Variants in JARID2 observed in about 807,000 individuals in gnomAD.
JARID2 encodes the protein jumonji and AT-rich interaction domain containing 2.
JARID2 carries 21 observed loss-of-function variants against 125.6 expected under a neutral mutation model. The observed-to-expected ratio is 0.17, with a 90% CI of 0.12 to 0.24. JARID2 has a LOEUF of 0.24. Ranked by LOEUF, JARID2 falls within the 10% of genes least tolerant of loss-of-function variation. The pLI, the probability that JARID2 is intolerant of heterozygous loss-of-function variation, is 1.00. For missense variants in JARID2, 1,303 were observed against 1,639.6 expected (o/e 0.79, Z 3.55); for synonymous variants, 736 against 661.6 (o/e 1.11, Z -1.73).
chr6:15,368,749 TC>T (rs745470714), intron 1 of JARID2: 26 of 482,934 alleles, frequency 5.4e-5, no homozygotes, highest in Admixed American at 1.5e-4. Flanking sequence ...TATATAGACA[TC>T]TGAATTCTGA....
intron 1 of JARID2, among the ~76,000 whole-genome samples, chr6:15,298,053 A>C (rs1467700355): frequency 6.6e-6 from 1 of 152,162 alleles, no homozygotes; most frequent in Non-Finnish European, 1.5e-5. Context: ...TCTTCTTAGG[A>C]GCTCTTTAGC....
intron 1 of JARID2, among the ~76,000 whole-genome samples, chr6:15,287,142 CACAA>C (rs371534589): frequency 9.0e-4 from 137 of 151,972 alleles, no homozygotes; most frequent in Middle Eastern, 6.8e-3. Context: ...AAAAAGAAAA[CACAA>C]ACAAACAAAC....
At chr6:15,343,437 A>G (rs1763139379) in intron 1 of JARID2, among the ~76,000 whole-genome samples, 1 of 152,178 alleles carries the variant, frequency 6.6e-6, no homozygotes, top group Admixed American at 6.5e-5. Context: ...TGCTGGTGGA[A>G]TACAATGATG....
intron 1 of JARID2, chr6:15,248,829 C>A: frequency 2.4e-6 from 2 of 826,934 alleles, no homozygotes; most frequent in Non-Finnish European, 2.9e-6. Flanking sequence ...CCAGGCGCGG[C>A]GGGGCGGCGG....
At chr6:15,300,191 A>G (rs1041767235) in intron 1 of JARID2, among the ~76,000 whole-genome samples, 4 of 152,156 alleles carry the variant, frequency 2.6e-5, no homozygotes, top group African/African-American at 9.7e-5. Flanking sequence ...TTCCGCAGTG[A>G]AGGTTGGATG....
At chr6:15,299,942 A>G (rs553005222) in intron 1 of JARID2, among the ~76,000 whole-genome samples, 5 of 152,088 alleles carry the variant, frequency 3.3e-5, no homozygotes, top group Admixed American at 2.0e-4. Flanking sequence ...TGTTGTTGGT[A>G]TCTCAGGCCC....
At chr6:15,271,707 A>AC (rs1760302623) in intron 1 of JARID2, among the ~76,000 whole-genome samples, 1 of 151,938 alleles carries the variant, frequency 6.6e-6, no homozygotes, top group Admixed American at 6.6e-5. Flanking sequence ...ATGTTTAAAA[A>AC]CAGTGATGCG....
At chr6:15,278,928 G>A (rs758807723) in intron 1 of JARID2, among the ~76,000 whole-genome samples, 1 of 152,124 alleles carries the variant, frequency 6.6e-6, no homozygotes, top group African/African-American at 2.4e-5. Flanking sequence ...AATTAGCTGG[G>A]TGTGGTGGCA....
At chr6:15,493,199 C>T (rs572736268) in intron 6 of JARID2, among the ~76,000 whole-genome samples, 7 of 152,040 alleles carry the variant, frequency 4.6e-5, no homozygotes, top group East Asian at 1.9e-4. Flanking sequence ...ATTTGGACAG[C>T]GGTGTTAGGG....
intron 7 of JARID2, among the ~76,000 whole-genome samples, chr6:15,498,295 G>A (rs76274557): frequency 0.011 from 1,629 of 152,290 alleles, 31 homozygotes; most frequent in African/African-American, 0.035. Flanking sequence ...GGCTGGGGCT[G>A]TTGGAAACTT....
chr6:15,247,727 C>T (rs1759239507), intron 1 of JARID2: 5 of 985,144 alleles, frequency 5.1e-6, no homozygotes, highest in Non-Finnish European at 6.0e-6. Context: ...AGCTGAATGC[C>T]TCTTCAAGAG....
At chr6:15,420,753 A>C (rs574222489) in intron 3 of JARID2, among the ~76,000 whole-genome samples, 1 of 152,146 alleles carries the variant, frequency 6.6e-6, no homozygotes, top group East Asian at 1.9e-4. Flanking sequence ...CTTGGTTTCA[A>C]GCATGGTTAG....
At chr6:15,477,041 C>T (rs757243316) in intron 5 of JARID2, among the ~76,000 whole-genome samples, 31 of 152,126 alleles carry the variant, frequency 2.0e-4, no homozygotes, top group Non-Finnish European at 4.1e-4. Flanking sequence ...AACTTAAAAA[C>T]GGAAGGAAGA....
At chr6:15,477,504 G>GTTTTTTTTTTTTT in intron 5 of JARID2, among the ~76,000 whole-genome samples, 1 of 137,438 alleles carries the variant, frequency 7.3e-6, no homozygotes, top group Non-Finnish European at 1.6e-5. Flanking sequence ...GGGAGTGTTG[G>GTTTTTTTTTTTTT]TTTTTTTTTT....
chr6:15,422,400 A>C (rs929202730), intron 3 of JARID2, among the ~76,000 whole-genome samples: 13 of 151,984 alleles, frequency 8.6e-5, no homozygotes, highest in African/African-American at 2.4e-5. Context: ...CTGTGCCTTC[A>C]CCTTGATCAG....
chr6:15,433,901 C>T (rs542406607), intron 3 of JARID2, among the ~76,000 whole-genome samples: 2 of 147,712 alleles, frequency 1.4e-5, no homozygotes, highest in Admixed American at 6.8e-5. Flanking sequence ...AGAGTTTTTC[C>T]AGTAGCCCTC....
chr6:15,318,866 A>G (rs1335075612), intron 1 of JARID2, among the ~76,000 whole-genome samples: 2 of 152,168 alleles, frequency 1.3e-5, no homozygotes, highest in Non-Finnish European at 2.9e-5. Flanking sequence ...GTTATTGGGA[A>G]GAGGGCTGGA....
intron 3 of JARID2, among the ~76,000 whole-genome samples, chr6:15,415,832 A>C (rs1157717224): frequency 2.7e-5 from 3 of 111,330 alleles, no homozygotes; most frequent in East Asian, 2.8e-4. Context: ...TGACCCCCCC[A>C]CCTCCCTCCC....
At chr6:15,410,114 C>T in intron 2 of JARID2, 110 bp from the exon 3 acceptor site, 1 of 1,002,026 alleles carries the variant, frequency 1.0e-6, no homozygotes, top group South Asian at 2.1e-5. Context: ...AAATTCTCTT[C>T]TATCCACATT....
Sources: gnomAD v4.1 joint callset for allele counts (sites outside exome capture counted in the v4.1 genomes callset) on GRCh38, gnomAD v4.1.1 for gene constraint, MANE v1.5 for transcripts, NCBI Gene and HGNC (gene_info 2026-07-23, HGNC 2026-07-21) for gene names.